TSC2: variants seen among roughly 807,000 people sequenced by gnomAD.
TSC2 encodes the protein tuberin.
Under a neutral mutation model 202.2 loss-of-function variants are expected in TSC2, and 29 were observed. The observed-to-expected ratio is 0.14, with a 90% confidence interval of 0.11 to 0.20. The LOEUF (loss-of-function observed/expected upper bound fraction) is 0.20. TSC2 is among the 10% of genes least tolerant of loss of function. The pLI is 1.00. For synonymous variants in TSC2, 1,349 were observed against 1,044.0 expected, an observed-to-expected ratio of 1.29 and a Z score of -5.63; for missense variants, 2,429 against 2,420.0, an observed-to-expected ratio of 1.00 and a Z score of -0.08.
chr16:2,083,863 T>A (rs200280482), intron 33 of TSC2, 47 bp downstream of exon 33: 10 of 1,587,026 alleles, frequency 6.3e-6, no homozygotes, highest in Non-Finnish European at 8.6e-6. Context: ...GGGGGGCTCC[T>A]TAGGGGAGGC....
chr16:2,073,550 C>T (rs1303047057), intron 21 of TSC2, among the ~76,000 whole-genome samples: 2 of 152,266 alleles, frequency 1.3e-5, no homozygotes, highest in Non-Finnish European at 2.9e-5. Flanking sequence ...CATCTGTGCC[C>T]CGGGCCTCAG....
intron 16 of TSC2, chr16:2,068,586 G>T (rs1307199324): frequency 6.6e-6 from 1 of 152,160 alleles, no homozygotes; most frequent in Non-Finnish European, 1.5e-5. Flanking sequence ...AGCAAATGCT[G>T]TTAAGATGCT....
At chr16:2,069,617 C>A (rs1423798199) in intron 16 of TSC2, among the ~76,000 whole-genome samples, 8 of 152,034 alleles carry the variant, frequency 5.3e-5, no homozygotes, top group African/African-American at 1.9e-4. Flanking sequence ...GTAGCTGGGA[C>A]TACAGGTGCC....
rs556381414 is a variant in TSC2 at position 2,081,368 on chromosome 16, G to C, written c.3611-227G>C. The C allele has an allele frequency of 3.6e-5, 22 of 604,844 alleles. No homozygotes were observed. In the East Asian group the frequency reaches 6.3e-4, roughly 17 times the overall value. 37.5% of individuals were successfully genotyped at this position (604,844 alleles called of 1,614,324 possible). A position where few individuals can be genotyped will look rare whatever the true frequency, so the allele number is the denominator to read the frequency against. On this transcript the variant is annotated intron_variant, in intron 30 of 41. Transcript: ENST00000219476. ...CGGACTGTGAGGCTGTGGGCTGGAGGCCGCTGCTCTGAGGTGCCTGGCGGA... is the reference window on the plus strand; with the variant it reads ...CGGACTGTGAGGCTGTGGGCTGGAGCCCGCTGCTCTGAGGTGCCTGGCGGA...
At chr16:2,078,063 A>G (rs551739032) in intron 26 of TSC2, among the ~76,000 whole-genome samples, 29 of 152,160 alleles carry the variant, frequency 1.9e-4, no homozygotes, top group African/African-American at 6.7e-4. Flanking sequence ...TATTCTCTAG[A>G]ATGGACGTTT....
At position 2,084,617 on chromosome 16, in the gene TSC2, C is replaced by T. The variant is rs2151535121; in HGVS notation, c.4395C>T (p.Asp1465=). ...GGCCCCGAGGTTACACCATCTCCGA[C>T]TCGGCCCCATCACGCAGGGGCAAGA... ...GLRPRGYTIS[D]SAPSRRGKRV... Residue 1465 remains aspartate, a synonymous_variant, in exon 34 of 42, where the codon GAC becomes GAT. Transcript: ENST00000219476. 2 of 1,601,888 alleles carry T rather than the reference C, an allele frequency of 1.2e-6. No individual in the cohort carries two copies. Among genetic ancestry groups the T allele is most frequent in the Non-Finnish European group, 1.7e-6 (2 of 1,179,752 alleles).
intron 30 of TSC2, 60 bp from the exon 31 acceptor site, chr16:2,081,535 G>A (rs1016147875): frequency 1.2e-6 from 2 of 1,608,964 alleles, no homozygotes; most frequent in Non-Finnish European, 1.7e-6. Flanking sequence ...GCCCCTGGGG[G>A]GCCAGAGATG....
chr16:2,065,790 C>T (rs1439436969), intron 16 of TSC2, among the ~76,000 whole-genome samples, 155 bp downstream of exon 16: 2 of 152,206 alleles, frequency 1.3e-5, no homozygotes, highest in Non-Finnish European at 2.9e-5. Context: ...GCAGAACCTT[C>T]CTCCTGCTCT....
chr16:2,082,482 G>T lies in TSC2; in HGVS notation c.3861G>T (p.Leu1287=). Residue 1287 remains leucine (L), a synonymous_variant, in exon 32 of 42, where the codon CTG becomes CTT. Transcript: ENST00000219476. ...ACCAGTCCAGCTGCCAAGGACAGCTGCACAGGAGCGTTTCCTGGGCAGGTA... is the reference window on the plus strand; with the variant it reads ...ACCAGTCCAGCTGCCAAGGACAGCTTCACAGGAGCGTTTCCTGGGCAGGTA... ...SLYQSSCQGQ[L]HRSVSWADSA... 6.2e-7 allele frequency: 1 copy of T among 1,612,198 alleles called. No individual in the cohort carries two copies.
In TSC2 at chr16:2,076,173, G is replaced by A. The variant is rs373935836; in HGVS notation, c.2742+3G>A. 5.6e-6 allele frequency: 9 copies of A among 1,613,464 alleles called. No homozygotes were observed. The highest frequency in any genetic ancestry group is 5.3e-5 in the African/African-American group (4 of 74,918). Reference sequence around the variant, plus strand: ...ATTTTGTCCCTTTCATCACTAAGGTGGGCTCAGGGCCGGTGAAGGCTGTGT... The same window carrying A: ...ATTTTGTCCCTTTCATCACTAAGGTAGGCTCAGGGCCGGTGAAGGCTGTGT... On this transcript the variant is annotated splice_donor_region_variant and intron_variant, in intron 24 of 41. Coordinates refer to ENST00000219476, the MANE Select transcript of TSC2 (RefSeq NM_000548.5).
At chr16:2,086,095 G>A in intron 36 of TSC2, 98 bp from the exon 37 acceptor site, 1 of 1,438,582 alleles carries the variant, frequency 7.0e-7, no homozygotes, top group Non-Finnish European at 9.6e-7. Flanking sequence ...AGGGATCAGA[G>A]TGGGGCTCCC....
At chr16:2,067,727 G>T (rs531737285) in intron 16 of TSC2, among the ~76,000 whole-genome samples, 12 of 152,244 alleles carry the variant, frequency 7.9e-5, no homozygotes, top group Non-Finnish European at 1.8e-4. Flanking sequence ...CCCAGATCAC[G>T]CCATTGCACT....
chr16:2,050,410 T>G lies in TSC2; in HGVS notation c.149T>G (p.Met50Arg). 1 of 1,613,872 alleles carries G rather than the reference T, an allele frequency of 6.2e-7. No homozygotes were observed. Among genetic ancestry groups the G allele is most frequent in the Non-Finnish European group, 8.5e-7 (1 of 1,179,920 alleles). ...ITAEILRELS[M>R]ECGLNNRIRM... Reference sequence around the variant, plus strand: ...TTCATCTCTCTCCAGGAACTGAGCATGGAATGTGGCCTCAACAATCGCATC... The same window carrying G: ...TTCATCTCTCTCCAGGAACTGAGCAGGGAATGTGGCCTCAACAATCGCATC... The change falls in exon 3 of 42, where the codon ATG becomes AGG. Residue 50 changes from methionine (M) to arginine (R), a missense_variant. Coordinates refer to ENST00000219476, the MANE Select transcript of TSC2 (RefSeq NM_000548.5).
intron 24 of TSC2, 111 bp from the exon 25 acceptor site, chr16:2,076,380 C>G: frequency 6.3e-7 from 1 of 1,584,650 alleles, no homozygotes; most frequent in Non-Finnish European, 8.6e-7. Flanking sequence ...GTGCCGCCGC[C>G]TTGCCCCTAG....
Position 2,088,257 on chromosome 16 carries a change from A to C in TSC2, c.5191A>C (p.Asn1731His), listed in dbSNP as rs1555440500. ...CTCACAGGTGCATCATAGCCGCTCC[A>C]ACCCCACCGATATCTACCCCTCCAA... is the stretch of plus-strand genomic sequence containing the variant. ...MASQVHHSRS[N>H]PTDIYPSKWI... The change falls in exon 41 of 42, where the codon AAC becomes CAC. Residue 1731 changes from asparagine to histidine, a missense_variant. Asn to His is a moderately conservative substitution (Grantham distance 68). Transcript: ENST00000219476. 2 of 1,596,276 alleles carry C rather than the reference A, an allele frequency of 1.3e-6. No individual in the cohort carries two copies. The highest frequency in any genetic ancestry group is 1.7e-6 in the Non-Finnish European group (2 of 1,173,738).
At chr16:2,059,338 CTTTTTT>C (rs1180610775) in intron 10 of TSC2, among the ~76,000 whole-genome samples, 1 of 124,700 alleles carries the variant, frequency 8.0e-6, no homozygotes, top group African/African-American at 3.1e-5. Flanking sequence ...TTCTCTCTCT[CTTTTTT>C]TTTTTTTTTT....
chr16:2,050,510 T>C (rs777402592), intron 3 of TSC2, 24 bp downstream of exon 3: 2 of 1,606,058 alleles, frequency 1.2e-6, no homozygotes, highest in South Asian at 2.2e-5. Flanking sequence ...GTTGAGCTAC[T>C]AGAGAGAGGC....
chr16:2,048,835 G>C, intron 2 of TSC2, 82 bp downstream of exon 2: 1 of 1,595,144 alleles, frequency 6.3e-7, no homozygotes, highest in Admixed American at 1.7e-5. Flanking sequence ...GGTTCTGTGG[G>C]AGACGGGTTG....
intron 32 of TSC2, 102 bp from the exon 33 acceptor site, chr16:2,083,593 C>G (rs2090398024): frequency 6.5e-7 from 1 of 1,535,020 alleles, no homozygotes; most frequent in Non-Finnish European, 8.8e-7. Context: ...GCTCGCAGGG[C>G]TGCTGTCCCT....
Sources: allele counts gnomAD v4.1 joint callset (sites outside exome capture counted in the v4.1 genomes callset), GRCh38; gene constraint gnomAD v4.1.1; transcripts MANE v1.5; gene names NCBI Gene and HGNC (gene_info 2026-07-23, HGNC 2026-07-21).